Variants in MCHR2 observed in about 807,000 individuals in gnomAD.
MCHR2 encodes melanin-concentrating hormone receptor 2.
Under a neutral mutation model 24.8 loss-of-function variants are expected in MCHR2, and 15 were observed. That is an observed-to-expected ratio of 0.60 (90% CI 0.40 to 0.93). MCHR2 has a LOEUF of 0.93. MCHR2 is among the 40% of genes least tolerant of loss of function. MCHR2 has a pLI of 0.00. For missense variants in MCHR2, 386 were observed against 408.7 expected, an observed-to-expected ratio of 0.94 and a Z score of 0.48; for synonymous variants, 151 against 147.6, an observed-to-expected ratio of 1.02 and a Z score of -0.17.
chr6:99,963,565 A>G (rs1408015151), intron 1 of MCHR2, among the ~76,000 whole-genome samples: 2 of 152,120 alleles, frequency 1.3e-5, no homozygotes, highest in South Asian at 4.1e-4. Context: ...AGGTGAAAAC[A>G]GTTTAGGTAT....
At chr6:99,972,180 C>A (rs1406049592) in intron 1 of MCHR2, among the ~76,000 whole-genome samples, 1 of 152,190 alleles carries the variant, frequency 6.6e-6, no homozygotes, top group Non-Finnish European at 1.5e-5. Context: ...AGCTGTGAAT[C>A]CATCTGGTTC....
At chr6:99,953,697 T>G (rs1400410993) in intron 2 of MCHR2, among the ~76,000 whole-genome samples, 1 of 151,888 alleles carries the variant, frequency 6.6e-6, no homozygotes, top group African/African-American at 2.4e-5. Context: ...CTTTTTTTTT[T>G]GGTATTTTCA....
At chr6:99,967,780 G>A (rs778646532) in intron 1 of MCHR2, among the ~76,000 whole-genome samples, 5 of 152,076 alleles carry the variant, frequency 3.3e-5, no homozygotes, top group Non-Finnish European at 7.4e-5. Context: ...TGCTCTCCAA[G>A]TTATGTCCCA....
At chr6:99,960,214 C>A (rs1210396728) in intron 1 of MCHR2, among the ~76,000 whole-genome samples, 1 of 151,996 alleles carries the variant, frequency 6.6e-6, no homozygotes, top group Non-Finnish European at 1.5e-5. Flanking sequence ...AAACTGTCAA[C>A]CAAGAATACT....
At chr6:99,967,333 A>G (rs1375257618) in intron 1 of MCHR2, among the ~76,000 whole-genome samples, 1 of 152,266 alleles carries the variant, frequency 6.6e-6, no homozygotes, top group Non-Finnish European at 1.5e-5. Context: ...TTTAAAGAAC[A>G]TTAGGCTTTT....
At chr6:99,986,424 T>A (rs145029055) in intron 1 of MCHR2, among the ~76,000 whole-genome samples, 4 of 152,154 alleles carry the variant, frequency 2.6e-5, no homozygotes, top group Non-Finnish European at 2.9e-5. Context: ...AACCTAAGTG[T>A]CCATCAACTG....
rs148382670 is a variant in MCHR2, at chr6:99,980,713, A to G, written c.-28+13223T>C. ...AAATACCCTCTATATTGGGATTTTC[A>G]CTTCTGAATCAAATCATGGATGACC... On this transcript the variant is annotated intron_variant, in intron 1 of 5. Transcript: ENST00000281806. Among the ~76,000 whole-genome samples, 537 of 152,324 alleles carry G rather than the reference A, an allele frequency of 3.5e-3. 3 individuals are homozygous for G. Among genetic ancestry groups the G allele is most frequent in the African/African-American group, 0.012 (516 of 41,566 alleles).
At chr6:99,941,844 A>T (rs974044657) in intron 4 of MCHR2, among the ~76,000 whole-genome samples, 4 of 150,052 alleles carry the variant, frequency 2.7e-5, no homozygotes, top group African/African-American at 4.9e-5. Flanking sequence ...AAGCATATGA[A>T]TTTTTTTTTT....
At chr6:99,968,234 G>T (rs895047748) in intron 1 of MCHR2, among the ~76,000 whole-genome samples, 121 of 152,250 alleles carry the variant, frequency 7.9e-4, no homozygotes, top group African/African-American at 2.8e-3. Flanking sequence ...TGAGGTTAAG[G>T]CTCTCAGTTG....
At chr6:99,980,006 G>A (rs1197729191) in intron 1 of MCHR2, among the ~76,000 whole-genome samples, 1 of 152,170 alleles carries the variant, frequency 6.6e-6, no homozygotes, top group Non-Finnish European at 1.5e-5. Flanking sequence ...GTTTGTTGTT[G>A]AAATTTGCTA....
At chr6:99,926,782 A>G (rs1260333692) in intron 5 of MCHR2, among the ~76,000 whole-genome samples, 1 of 151,976 alleles carries the variant, frequency 6.6e-6, no homozygotes, top group African/African-American at 2.4e-5. Context: ...CCCATTTTGT[A>G]GGTTGCCTGT....
At chr6:99,932,332 C>A (rs2114501626) in intron 5 of MCHR2, among the ~76,000 whole-genome samples, 1 of 152,136 alleles carries the variant, frequency 6.6e-6, no homozygotes. Context: ...GAGAGAAGAG[C>A]CAGACCTTTT....
rs367630844 is a variant in MCHR2, at chr6:99,955,636, G to T, written c.182+330C>A. On this transcript the variant is annotated intron_variant, in intron 2 of 5. Coordinates refer to ENST00000281806, the MANE Select transcript of MCHR2 (RefSeq NM_001040179.2). ...TAGAGATTCTGAGTTAATGGGTCTG[G>T]GGTGAAACTGCATATCAGGAGTTTT... is the stretch of plus-strand genomic sequence containing the variant. Among the ~76,000 whole-genome samples the T allele has an allele frequency of 3.7e-4, 56 of 152,112 alleles. No individual in the cohort carries two copies. The South Asian group carries it at 0.012, about 32-fold the overall frequency.
At chr6:99,986,059 A>G (rs1262036864) in intron 1 of MCHR2, among the ~76,000 whole-genome samples, 1 of 152,146 alleles carries the variant, frequency 6.6e-6, no homozygotes, top group Non-Finnish European at 1.5e-5. Context: ...AAATGGCCAA[A>G]AAACATATGA....
chr6:99,961,083 T>C (rs1775174375), intron 1 of MCHR2, among the ~76,000 whole-genome samples: 1 of 152,152 alleles, frequency 6.6e-6, no homozygotes, highest in South Asian at 2.1e-4. Context: ...TCTACCCATC[T>C]GCCAAAAGGC....
intron 1 of MCHR2, among the ~76,000 whole-genome samples, chr6:99,984,915 T>G (rs1050503690): frequency 6.6e-6 from 1 of 152,106 alleles, no homozygotes; most frequent in African/African-American, 2.4e-5. Context: ...TATGATCGTA[T>G]GCCTAGAGAA....
intron 1 of MCHR2, among the ~76,000 whole-genome samples, chr6:99,986,593 C>T (rs1775774253): frequency 6.6e-6 from 1 of 152,104 alleles, no homozygotes; most frequent in African/African-American, 2.4e-5. Context: ...ACCACATATT[C>T]TCACTTATAA....
intron 4 of MCHR2, among the ~76,000 whole-genome samples, chr6:99,936,838 T>G (rs924828832): frequency 2.0e-5 from 3 of 151,824 alleles, no homozygotes; most frequent in Non-Finnish European, 4.4e-5. Context: ...ATATCCTTTT[T>G]TGTGTCCTAT....
chr6:99,983,828 C>A (rs1208738102), intron 1 of MCHR2, among the ~76,000 whole-genome samples: 1 of 151,986 alleles, frequency 6.6e-6, no homozygotes, highest in African/African-American at 2.4e-5. Context: ...GGATTTTTTT[C>A]TACAGCATAG....
Sources: allele counts gnomAD v4.1 joint callset (sites outside exome capture counted in the v4.1 genomes callset), GRCh38; gene constraint gnomAD v4.1.1; transcripts MANE v1.5; gene names NCBI Gene and HGNC (gene_info 2026-07-23, HGNC 2026-07-21).